Variants in EIF4G2 observed in about 807,000 individuals in gnomAD.
EIF4G2 encodes DAP-5.
A neutral mutation model predicts 117.7 loss-of-function variants in EIF4G2; 8 were observed. The observed-to-expected ratio is 0.07, with a 90% CI of 0.04 to 0.12. The LOEUF (loss-of-function observed/expected upper bound fraction) is 0.12. Among genes scored for constraint, EIF4G2 ranks in the 10% least tolerant of loss-of-function variants. EIF4G2 has a pLI of 1.00. For missense variants in EIF4G2, 812 were observed against 1,086.2 expected (o/e 0.75, Z 3.55); for synonymous variants, 413 against 367.8 (o/e 1.12, Z -1.41).
rs540871450 is a variant in EIF4G2, at chr11:10,805,755, T to C, written c.248+152A>G. On this transcript the variant is annotated intron_variant, in intron 4 of 21. Coordinates refer to ENST00000339995, the MANE Select transcript of EIF4G2 (RefSeq NM_001418.4). Reference sequence around the variant, plus strand: ...GGCGTGAGCCACAGTGCCTGGCCAGTTCAAGATATTTTTAAAAATTGCTAC... The same window carrying C: ...GGCGTGAGCCACAGTGCCTGGCCAGCTCAAGATATTTTTAAAAATTGCTAC... 3.4e-5 allele frequency: 41 copies of C among 1,201,212 alleles called. No homozygotes were observed. In the Admixed American group the frequency reaches 7.7e-4, roughly 22 times the overall value. The allele number at this position is 1,201,212 out of a possible 1,614,324, so 74.4% of individuals were successfully genotyped here.
In EIF4G2 at chr11:10,808,056, A is replaced by C. The variant is rs998516824; in HGVS notation, c.-87+649T>G. 8 of 1,043,140 alleles carry C rather than the reference A, an allele frequency of 7.7e-6. No individual in the cohort carries two copies. In the Admixed American group the frequency reaches 4.3e-4, roughly 56 times the overall value. 64.6% of individuals were successfully genotyped at this position (1,043,140 alleles called of 1,614,324 possible). A position where few individuals can be genotyped will look rare whatever the true frequency, so the allele number is the denominator to read the frequency against. On this transcript the variant is annotated intron_variant, in intron 1 of 21. Coordinates refer to ENST00000339995, the MANE Select transcript of EIF4G2 (RefSeq NM_001418.4). ...TCGACGGGGAGGAGCAGCTGAGGCCACCCCCGCCAGCCCGGCGCCCAGCTC... is the reference window on the plus strand; with the variant it reads ...TCGACGGGGAGGAGCAGCTGAGGCCCCCCCCGCCAGCCCGGCGCCCAGCTC...
intron 5 of EIF4G2, 148 bp from the exon 6 acceptor site, chr11:10,804,566 T>G: frequency 9.7e-7 from 1 of 1,027,160 alleles, no homozygotes; most frequent in Non-Finnish European, 1.4e-6. Flanking sequence ...ATCCATCTCC[T>G]GGGAGTCAGA....
At chr11:10,808,092 A>T (rs1847642979) in intron 1 of EIF4G2, 8 of 1,060,144 alleles carry the variant, frequency 7.5e-6, no homozygotes, top group Non-Finnish European at 9.2e-6. Flanking sequence ...TTTGTTCTCC[A>T]AGCAGGAAGG....
chr11:10,806,205 C>G (rs899091168), intron 3 of EIF4G2, 158 bp from the exon 4 acceptor site: 3 of 963,252 alleles, frequency 3.1e-6, no homozygotes, highest in Non-Finnish European at 4.5e-6. Flanking sequence ...TAGTGTGCAT[C>G]AGAATCACCT....
intron 1 of EIF4G2, chr11:10,807,622 G>C (rs758903087): frequency 1.2e-5 from 13 of 1,102,166 alleles, no homozygotes; most frequent in African/African-American, 1.6e-5. Context: ...GGCTCAGAAC[G>C]AATCTTTTGA....
chr11:10,797,730 G>A lies in EIF4G2; in HGVS notation c.*86C>T, dbSNP rs1847296980. 7.5e-7 allele frequency: 1 copy of A among 1,328,792 alleles called. No individual in the cohort carries two copies. Among genetic ancestry groups the A allele is most frequent in the Non-Finnish European group, 1.1e-6 (1 of 932,522 alleles). 82.3% of individuals were successfully genotyped at this position (1,328,792 alleles called of 1,614,324 possible). A position where few individuals can be genotyped will look rare whatever the true frequency, so the allele number is the denominator to read the frequency against. ...TAAATATTGTGAAAACATTACAGCG[G>A]AATGAATTTTCGCAGTGGTTAGGTC... is the stretch of plus-strand genomic sequence containing the variant. On this transcript the variant is annotated 3_prime_UTR_variant, in exon 22 of 22. Coordinates refer to ENST00000339995, the MANE Select transcript of EIF4G2 (RefSeq NM_001418.4). This position sits in a 1 kb window ranked among gnomAD's most constrained non-coding sequence, Gnocchi z 4.5.
Position 10,803,771 on chromosome 11 carries a change from A to G in EIF4G2, c.702+128T>C. ...TTTGTCAAACACACCACGTATTTCA[A>G]ATTATTCTGTTTAGTAAATTTTGTT... On this transcript the variant is annotated intron_variant, in intron 8 of 21. Transcript: ENST00000339995. The surrounding 1 kb of genome is among the most constrained non-coding windows in gnomAD (Gnocchi z 4.0). The G allele has an allele frequency of 1.5e-6, 2 of 1,297,764 alleles. No individual in the cohort carries two copies. The highest frequency in any genetic ancestry group is 2.1e-5 in the Admixed American group (1 of 46,962). The allele number at this position is 1,297,764 out of a possible 1,614,324, so 80.4% of individuals were successfully genotyped here. A position where few individuals can be genotyped will look rare whatever the true frequency, so the allele number is the denominator to read the frequency against.
At chr11:10,802,963 G>C in intron 11 of EIF4G2, 67 bp downstream of exon 11, 1 of 1,438,292 alleles carries the variant, frequency 7.0e-7, no homozygotes, top group Non-Finnish European at 9.6e-7. Flanking sequence ...GGGTGGGTGA[G>C]GAGGAAACCC....
At position 10,799,330 on chromosome 11, in the gene EIF4G2, G is replaced by T. The variant is rs376676958; in HGVS notation, c.2419C>A (p.Gln807Lys). The T allele has an allele frequency of 1.5e-5, 25 of 1,613,798 alleles. No homozygotes were observed. In the African/African-American group the frequency reaches 3.3e-4, roughly 22 times the overall value. The change falls in exon 20 of 22, where the codon CAA becomes AAA. Residue 807 changes from glutamine (Q) to lysine (K), a missense_variant. Gln to Lys is a moderately conservative substitution (Grantham distance 53). Coordinates refer to ENST00000339995, the MANE Select transcript of EIF4G2 (RefSeq NM_001418.4). ...ACTGGCTTGAAAGATAGTAGTAGTT[G>T]TTTTTCCTGCTCTAACTGTTCTTTG...
rs1404502558 is a variant in EIF4G2 at position 10,803,678 on chromosome 11, C to T, written c.703-88G>A. The stretch of plus-strand genomic sequence containing the variant: ...CTTTCCCTTTATGTTTGCACTGACT[C>T]ATTCACAGTTCCTACAGAATCTAGT... On this transcript the variant is annotated intron_variant, in intron 8 of 21. Transcript: ENST00000339995. This position sits in a 1 kb window ranked among gnomAD's most constrained non-coding sequence, Gnocchi z 4.0. 8.0e-7 allele frequency: 1 copy of T among 1,248,396 alleles called. No individual in the cohort carries two copies. The highest frequency in any genetic ancestry group is 1.2e-6 in the Non-Finnish European group (1 of 868,408). The allele number at this position is 1,248,396 out of a possible 1,614,324, so 77.3% of individuals were successfully genotyped here. A position where few individuals can be genotyped will look rare whatever the true frequency, so the allele number is the denominator to read the frequency against.
intron 1 of EIF4G2, chr11:10,807,729 T>TA: frequency 2.0e-6 from 2 of 991,842 alleles, no homozygotes; most frequent in Non-Finnish European, 2.4e-6. Flanking sequence ...ATGTCTGCCC[T>TA]AGGAATTTTT....
chr11:10,806,141 T>C, intron 3 of EIF4G2, 94 bp from the exon 4 acceptor site: 1 of 1,540,452 alleles, frequency 6.5e-7, no homozygotes, highest in Non-Finnish European at 8.8e-7. Context: ...ATTTAGGCTT[T>C]CTCGACTTCC....
intron 21 of EIF4G2, 128 bp from the exon 22 acceptor site, chr11:10,798,009 T>A: frequency 1.3e-6 from 1 of 793,736 alleles, no homozygotes. Flanking sequence ...ATTTGTATAT[T>A]AAGTTAACGA....
Position 10,803,707 on chromosome 11 carries a change from G to A in EIF4G2, c.703-117C>T, listed in dbSNP as rs528752109. 2.7e-6 allele frequency: 3 copies of A among 1,131,684 alleles called. No individual in the cohort carries two copies. Among genetic ancestry groups the A allele is most frequent in the African/African-American group, 3.1e-5 (2 of 64,758 alleles). 70.1% of individuals were successfully genotyped at this position (1,131,684 alleles called of 1,614,324 possible). ...CACAGTTCCTACAGAATCTAGTATA[G>A]GGCTTTCTACCAGTCTGGTTGATCA... is the stretch of plus-strand genomic sequence containing the variant. On this transcript the variant is annotated intron_variant, in intron 8 of 21. Coordinates refer to ENST00000339995, the MANE Select transcript of EIF4G2 (RefSeq NM_001418.4). The surrounding 1 kb of genome is among the most constrained non-coding windows in gnomAD (Gnocchi z 4.0).
Position 10,800,975 on chromosome 11 carries a change from G to A in EIF4G2, c.1526C>T (p.Pro509Leu). The change falls in exon 15 of 22, where the codon CCA becomes CTA. Residue 509 changes from proline (P) to leucine (L), a missense_variant. Transcript: ENST00000339995. ...TATGGTCTGTACCTGTCCCAGAGGT[G>A]GTGTTTGAGTGCGTGGTGGTTGTGC... 5.6e-6 allele frequency: 9 copies of A among 1,614,186 alleles called. No homozygotes were observed. The South Asian group carries it at 6.6e-5, about 12-fold the overall frequency.
chr11:10,802,522 T>C, intron 11 of EIF4G2, 87 bp from the exon 12 acceptor site: 1 of 1,436,702 alleles, frequency 7.0e-7, no homozygotes, highest in Non-Finnish European at 9.3e-7. Flanking sequence ...GGGGGAAACC[T>C]AGAATATTAA....
Position 10,803,762 on chromosome 11 carries a change from C to A in EIF4G2, c.702+137G>T. The A allele has an allele frequency of 1.6e-6, 2 of 1,235,846 alleles. No individual in the cohort carries two copies. Among genetic ancestry groups the A allele is most frequent in the Non-Finnish European group, 2.3e-6 (2 of 883,334 alleles). The allele number at this position is 1,235,846 out of a possible 1,614,324, so 76.6% of individuals were successfully genotyped here. A position where few individuals can be genotyped will look rare whatever the true frequency, so the allele number is the denominator to read the frequency against. On this transcript the variant is annotated intron_variant, in intron 8 of 21. Coordinates refer to ENST00000339995, the MANE Select transcript of EIF4G2 (RefSeq NM_001418.4). The surrounding 1 kb of genome is among the most constrained non-coding windows in gnomAD (Gnocchi z 4.0). ...TAACTCTACTTTGTCAAACACACCACGTATTTCAAATTATTCTGTTTAGTA... is the reference window on the plus strand; with the variant it reads ...TAACTCTACTTTGTCAAACACACCAAGTATTTCAAATTATTCTGTTTAGTA...
Position 10,799,409 on chromosome 11 carries a change from A to G in EIF4G2, c.2340T>C (p.Ile780=). ...CGCTGGGGGGGTTTACTTCACTAGA[A>G]ATGTACTGTAAGAAGCTGGACAGAA... is the stretch of plus-strand genomic sequence containing the variant. Residue 780 remains isoleucine, a synonymous_variant, in exon 20 of 22, where the codon ATT becomes ATC. Transcript: ENST00000339995. 6.2e-7 allele frequency: 1 copy of G among 1,611,540 alleles called. No individual in the cohort carries two copies. The highest frequency in any genetic ancestry group is 2.2e-5 in the East Asian group (1 of 44,882).
In EIF4G2 at chr11:10,799,608, A is replaced by C; in HGVS notation, c.2268T>G (p.Asp756Glu). Residue 756 changes from aspartate (D) to glutamate (E), a missense_variant, in exon 19 of 22, where the codon GAT becomes GAG. Asp to Glu is a conservative substitution (Grantham distance 45). Coordinates refer to ENST00000339995, the MANE Select transcript of EIF4G2 (RefSeq NM_001418.4). ...CTACATGAAGTTTGGGAGAGATGTT[A>C]TCTTTAATCCATTTATATATGGTTT... is the stretch of plus-strand genomic sequence containing the variant. The C allele has an allele frequency of 7.4e-6, 12 of 1,614,164 alleles. No individual in the cohort carries two copies. Among genetic ancestry groups the C allele is most frequent in the South Asian group, 1.1e-5 (1 of 91,080 alleles).
Sources: gnomAD v4.1 joint callset for allele counts on GRCh38, gnomAD v4.1.1 for gene constraint, Gnocchi (gnomAD v3.1) non-coding constraint, MANE v1.5 for transcripts, NCBI Gene and HGNC (gene_info 2026-07-23, HGNC 2026-07-21) for gene names.